Variants in KAZN observed in about 807,000 individuals in gnomAD.
The protein encoded by KAZN is kazrin, periplakin interacting protein, also known as kazrin.
Under a neutral mutation model 87.4 loss-of-function variants are expected in KAZN, and 40 were observed. The ratio of observed to expected loss-of-function variants is 0.46; its 90% confidence interval spans 0.36 to 0.60. The LOEUF (loss-of-function observed/expected upper bound fraction) is 0.60, where lower values mean the gene tolerates loss of function less well. Among genes scored for constraint, KAZN ranks in the 20% least tolerant of loss-of-function variants. The pLI is 0.00. For missense variants in KAZN, 898 were observed against 1,073.9 expected (o/e 0.84, Z 2.29); for synonymous variants, 466 against 458.3 (o/e 1.02, Z -0.22).
At chr1:14,138,413 TAAGA>T (rs1371915840) in intron 1 of KAZN, among the ~76,000 whole-genome samples, 1 of 152,124 alleles carries the variant, frequency 6.6e-6, no homozygotes. Flanking sequence ...TCTTAGAAGT[TAAGA>T]AAGTTCCCTG....
At chr1:14,096,955 C>T (rs909865186) in intron 1 of KAZN, among the ~76,000 whole-genome samples, 4 of 152,338 alleles carry the variant, frequency 2.6e-5, no homozygotes, top group African/African-American at 7.2e-5. Context: ...GCTTTTCTCA[C>T]GGAGATTCAG....
In KAZN at chr1:14,598,821, G is replaced by T; in HGVS notation, c.-177G>T. On this transcript the variant is annotated 5_prime_UTR_variant, in exon 1 of 15. Coordinates refer to ENST00000376030, the MANE Select transcript of KAZN (RefSeq NM_201628.3). The surrounding 1 kb of genome is among the most constrained non-coding windows in gnomAD (Gnocchi z 4.2). ...CACCGCCGCGGCTAGGGCTGGAGGC[G>T]CCGCTGTCATTCCTGTGCCGGAGGA... 7.3e-7 allele frequency: 1 copy of T among 1,375,312 alleles called. No individual in the cohort carries two copies. The highest frequency in any genetic ancestry group is 9.3e-7 in the Non-Finnish European group (1 of 1,069,606). 85.2% of individuals were successfully genotyped at this position (1,375,312 alleles called of 1,614,324 possible).
At chr1:14,380,885 C>T (rs2101047752) in intron 2 of KAZN, among the ~76,000 whole-genome samples, 1 of 152,216 alleles carries the variant, frequency 6.6e-6, no homozygotes, top group South Asian at 2.1e-4. Context: ...TTATAGAATA[C>T]CAAGCAGTTT....
intron 2 of KAZN, among the ~76,000 whole-genome samples, chr1:14,301,499 A>G (rs1253552441): frequency 2.0e-5 from 3 of 152,306 alleles, no homozygotes; most frequent in East Asian, 1.9e-4. Context: ...AATGTACCCC[A>G]GCCTGCCACT....
intron 1 of KAZN, among the ~76,000 whole-genome samples, chr1:14,163,630 G>A (rs967821091): frequency 6.6e-6 from 1 of 152,150 alleles, no homozygotes; most frequent in African/African-American, 2.4e-5. Context: ...TGTATTGGGA[G>A]ACTGCCGTTC....
intron 2 of KAZN, among the ~76,000 whole-genome samples, chr1:14,457,990 G>C (rs1367736151): frequency 6.6e-6 from 1 of 151,800 alleles, no homozygotes; most frequent in Non-Finnish European, 1.5e-5. Flanking sequence ...GCTAATTTTT[G>C]TGTGTGTGTT....
At chr1:14,182,024 G>A (rs1243324344) in intron 2 of KAZN, among the ~76,000 whole-genome samples, 1 of 151,728 alleles carries the variant, frequency 6.6e-6, no homozygotes, top group Admixed American at 6.6e-5. Context: ...TCATATTCCG[G>A]AAATGTTTGC....
chr1:14,762,236 G>A (rs12077384), intron 1 of KAZN, among the ~76,000 whole-genome samples: 8,576 of 152,262 alleles, frequency 0.056, 425 homozygotes, highest in African/African-American at 0.12. Context: ...GCCGCCATTC[G>A]ATGGGGAAGG....
In KAZN at chr1:14,883,370, A is replaced by AG. The variant is rs1211950878; in HGVS notation, c.227-77313dup. On this transcript the variant is annotated intron_variant, in intron 1 of 14. Transcript: ENST00000376030. ...AGAAAGAAAGAAAAGAAAGAAAGAAAGAAAGAAAGAAAGAAAGAAAGAAAG... is the reference window on the plus strand; with the variant it reads ...AGAAAGAAAGAAAAGAAAGAAAGAAAGGAAAGAAAGAAAGAAAGAAAGAAAG... Among the ~76,000 whole-genome samples, 28 of 86,118 alleles carry AG rather than the reference A, an allele frequency of 3.3e-4. 2 individuals are homozygous for AG. Among genetic ancestry groups the AG allele is most frequent in the Admixed American group, 7.5e-4 (6 of 7,970 alleles). 56.5% of individuals were successfully genotyped at this position (86,118 alleles called of 152,430 possible). A position where few individuals can be genotyped will look rare whatever the true frequency, so the allele number is the denominator to read the frequency against.
chr1:14,294,693 G>T (rs865940357), intron 2 of KAZN, among the ~76,000 whole-genome samples: 4 of 145,020 alleles, frequency 2.8e-5, no homozygotes, highest in African/African-American at 7.5e-5. Context: ...CCCAGGCTCA[G>T]GTTTTATACT....
chr1:14,969,954 C>T (rs1304077414), intron 2 of KAZN, among the ~76,000 whole-genome samples: 2 of 152,058 alleles, frequency 1.3e-5, no homozygotes, highest in African/African-American at 2.4e-5. Flanking sequence ...GCTGGGATTA[C>T]AGGCGCCCGC....
At chr1:14,920,659 A>G (rs1211381921) in intron 1 of KAZN, among the ~76,000 whole-genome samples, 1 of 152,108 alleles carries the variant, frequency 6.6e-6, no homozygotes, top group Non-Finnish European at 1.5e-5. Flanking sequence ...CCAATGTTCA[A>G]AAATAATTAA....
At chr1:14,730,381 C>CAGGAAA (rs1643625573) in intron 1 of KAZN, among the ~76,000 whole-genome samples, 1 of 152,218 alleles carries the variant, frequency 6.6e-6, no homozygotes, top group Admixed American at 6.5e-5. Context: ...CGTGCCCGGC[C>CAGGAAA]TAAAGTATCT....
chr1:14,515,288 A>C (rs560540628), intron 2 of KAZN, among the ~76,000 whole-genome samples: 1 of 152,178 alleles, frequency 6.6e-6, no homozygotes, highest in Non-Finnish European at 1.5e-5. Flanking sequence ...AATTTAAGCA[A>C]CTTGTCCAAT....
chr1:14,591,995 G>A (rs767983690), intron 2 of KAZN, among the ~76,000 whole-genome samples: 2 of 152,082 alleles, frequency 1.3e-5, no homozygotes, highest in Non-Finnish European at 2.9e-5. Context: ...TAGCTGTTGG[G>A]GTTCCGCGGC....
intron 2 of KAZN, among the ~76,000 whole-genome samples, chr1:14,985,778 C>T (rs1230743744): frequency 1.3e-5 from 2 of 151,664 alleles, no homozygotes; most frequent in Admixed American, 6.6e-5. Context: ...CTGAGGCAGG[C>T]GGATCATGAG....
At chr1:13,975,864 C>T (rs1028317354) in intron 1 of KAZN, among the ~76,000 whole-genome samples, 1 of 152,178 alleles carries the variant, frequency 6.6e-6, no homozygotes, top group Non-Finnish European at 1.5e-5. Flanking sequence ...GCATAGTAAA[C>T]CCAGCTTCTG....
In KAZN at chr1:15,014,332, G is replaced by T. The variant is rs1669870309; in HGVS notation, c.419-20417G>T. On this transcript the variant is annotated intron_variant, in intron 2 of 14. Coordinates refer to ENST00000376030, the MANE Select transcript of KAZN (RefSeq NM_201628.3). ...TCTGCATCTATGAAGGGAGCCCATAGGTTCCCACCCTGCCCACCTTGCAGG... is the reference window on the plus strand; with the variant it reads ...TCTGCATCTATGAAGGGAGCCCATATGTTCCCACCCTGCCCACCTTGCAGG... 1.3e-5 allele frequency among the ~76,000 whole-genome samples: 2 copies of T among 152,144 alleles called. 1 individual carries two copies. Among genetic ancestry groups the T allele is most frequent in the South Asian group, 4.1e-4 (2 of 4,826 alleles).
At chr1:14,283,257 G>A (rs1289999487) in intron 2 of KAZN, among the ~76,000 whole-genome samples, 1 of 152,110 alleles carries the variant, frequency 6.6e-6, no homozygotes, top group Admixed American at 6.6e-5. Context: ...CAAGTCCCCA[G>A]ATTTTCAATT....
Sources: gnomAD v4.1 joint callset for allele counts (sites outside exome capture counted in the v4.1 genomes callset) on GRCh38, gnomAD v4.1.1 for gene constraint, Gnocchi (gnomAD v3.1) non-coding constraint, MANE v1.5 for transcripts, NCBI Gene and HGNC (gene_info 2026-07-23, HGNC 2026-07-21) for gene names.